RYR3: variants seen among roughly 807,000 people sequenced by gnomAD.
The protein encoded by RYR3 is brain ryanodine receptor-calcium release channel.
A neutral mutation model predicts 584.3 loss-of-function variants in RYR3; 207 were observed. The ratio of observed to expected loss-of-function variants is 0.35; its 90% CI spans 0.32 to 0.40. The LOEUF (loss-of-function observed/expected upper bound fraction) is 0.40, where lower values mean the gene tolerates loss of function less well. Among genes scored for constraint, RYR3 ranks in the 10% least tolerant of loss-of-function variants. RYR3 has a pLI of 1.00. For synonymous variants in RYR3, 2,416 were observed against 2,248.5 expected (o/e 1.07, Z -2.11); for missense variants, 5,616 against 6,089.2 (o/e 0.92, Z 2.59).
intron 53 of RYR3, among the ~76,000 whole-genome samples, chr15:33,747,015 T>C (rs2070793062): frequency 6.6e-6 from 1 of 151,532 alleles, no homozygotes; most frequent in Non-Finnish European, 1.5e-5. Context: ...TTCGCCATGT[T>C]GGCCAGGCTG....
chr15:33,503,851 T>C, intron 3 of RYR3, 113 bp downstream of exon 3: 2 of 657,684 alleles, frequency 3.0e-6, no homozygotes, highest in South Asian at 3.7e-5. Flanking sequence ...TTGAGATGAT[T>C]CATATGGAGA....
intron 1 of RYR3, among the ~76,000 whole-genome samples, chr15:33,315,354 T>A (rs1968014163): frequency 6.6e-6 from 1 of 152,188 alleles, no homozygotes; most frequent in Non-Finnish European, 1.5e-5. Flanking sequence ...TTTGGTAGAT[T>A]TTCTTTAAGG....
Position 33,696,470 on chromosome 15 carries a change from T to G in RYR3, c.6113T>G (p.Leu2038Trp). 6.2e-7 allele frequency: 1 copy of G among 1,613,994 alleles called. No homozygotes were observed. The highest frequency in any genetic ancestry group is 1.7e-5 in the Admixed American group (1 of 60,024). The change falls in exon 39 of 104, where the codon TTG (leucine) becomes TGG (tryptophan). Residue 2038 changes from leucine (L) to tryptophan (W), a missense_variant. This residue lies in a region of RYR3 where 1,280 missense variants were observed against 1,426.2 expected (regional missense o/e 0.90). Coordinates refer to ENST00000634891, the MANE Select transcript of RYR3 (RefSeq NM_001036.6). ...LSVRMGKEEE[L>W]LMINGLGDIM... is the part of the protein sequence containing the mutation. ...GTCAGGATGGGCAAGGAAGAGGAGTTGCTCATGATCAATGGGCTGGGGTAG... is the reference window on the plus strand; with the variant it reads ...GTCAGGATGGGCAAGGAAGAGGAGTGGCTCATGATCAATGGGCTGGGGTAG...
At chr15:33,722,188 C>T (rs529354988) in intron 43 of RYR3, among the ~76,000 whole-genome samples, 1 of 152,222 alleles carries the variant, frequency 6.6e-6, no homozygotes, top group Non-Finnish European at 1.5e-5. Flanking sequence ...CATCTGCCTT[C>T]CTTTCAAGGA....
chr15:33,490,404 T>G (rs2050864721), intron 2 of RYR3, among the ~76,000 whole-genome samples: 1 of 152,196 alleles, frequency 6.6e-6, no homozygotes, highest in Non-Finnish European at 1.5e-5. Context: ...CCTACTTTAA[T>G]ACTTCACTGT....
At chr15:33,740,236 C>T (rs868512033) in intron 51 of RYR3, among the ~76,000 whole-genome samples, 16 of 152,242 alleles carry the variant, frequency 1.1e-4, no homozygotes, top group Middle Eastern at 6.8e-3. Context: ...CAGAGATAGA[C>T]GTTCCCACAC....
chr15:33,673,466 A>C (rs2063969499), intron 38 of RYR3, among the ~76,000 whole-genome samples: 1 of 152,362 alleles, frequency 6.6e-6, no homozygotes, highest in South Asian at 2.1e-4. Flanking sequence ...ATATTATCAA[A>C]GGATCAAATG....
At chr15:33,646,597 C>T in intron 29 of RYR3, 71 bp downstream of exon 29, 2 of 1,394,212 alleles carry the variant, frequency 1.4e-6, no homozygotes, top group Non-Finnish European at 9.8e-7. Flanking sequence ...CTGCTTTTTA[C>T]CCTAACTCAG....
chr15:33,588,343 T>A (rs2058959818), intron 16 of RYR3, among the ~76,000 whole-genome samples: 1 of 152,208 alleles, frequency 6.6e-6, no homozygotes, highest in South Asian at 2.1e-4. Flanking sequence ...TGTGAACATG[T>A]TCTTTAGAAT....
intron 1 of RYR3, among the ~76,000 whole-genome samples, chr15:33,465,425 G>A (rs936628597): frequency 4.6e-5 from 7 of 152,092 alleles, no homozygotes. Flanking sequence ...GGTTTTCAGT[G>A]TACATCTAGC....
At chr15:33,691,103 A>G (rs752712949) in intron 38 of RYR3, among the ~76,000 whole-genome samples, 7 of 152,172 alleles carry the variant, frequency 4.6e-5, no homozygotes, top group Non-Finnish European at 1.0e-4. Context: ...CTGTAAAACT[A>G]TATCTGAACA....
At chr15:33,435,726 G>T (rs891482529) in intron 1 of RYR3, among the ~76,000 whole-genome samples, 1 of 152,124 alleles carries the variant, frequency 6.6e-6, no homozygotes, top group African/African-American at 2.4e-5. Context: ...TAGGTTCCTG[G>T]TCTCACTGAC....
chr15:33,316,931 A>G (rs576541379), intron 1 of RYR3, among the ~76,000 whole-genome samples: 5 of 152,150 alleles, frequency 3.3e-5, no homozygotes, highest in African/African-American at 1.2e-4. Context: ...TCTCTGGGCA[A>G]TTACTTCTCT....
At chr15:33,352,833 G>A (rs1385925306) in intron 1 of RYR3, among the ~76,000 whole-genome samples, 13 of 152,178 alleles carry the variant, frequency 8.5e-5, no homozygotes, top group Admixed American at 8.5e-4. Flanking sequence ...GGTTAAAGCT[G>A]TAACTGGATG....
intron 1 of RYR3, among the ~76,000 whole-genome samples, chr15:33,339,393 T>G (rs1197261436): frequency 6.6e-6 from 1 of 152,198 alleles, no homozygotes; most frequent in Non-Finnish European, 1.5e-5. Flanking sequence ...TACAAGACTT[T>G]AAGTTTAGTC....
chr15:33,601,446 C>G lies in RYR3; in HGVS notation c.1816C>G (p.Leu606Val), dbSNP rs913517466. The change falls in exon 17 of 104, where the codon CTC (leucine) becomes GTC (valine). Residue 606 changes from leucine (L) to valine (V), a missense_variant. By Grantham distance (32) the Leu-to-Val change is conservative (BLOSUM62 1). Coordinates refer to ENST00000634891, the MANE Select transcript of RYR3 (RefSeq NM_001036.6). ...KVLDILCSLC[L>V]CNGVAVRANQ... is the part of the protein sequence containing the mutation. ...TCTGGATATCCTGTGCTCCCTCTGT[C>G]TCTGCAATGGGGTTGCAGTGAGAGC... 6.2e-7 allele frequency: 1 copy of G among 1,613,062 alleles called. No homozygotes were observed. The highest frequency in any genetic ancestry group is 8.5e-7 in the Non-Finnish European group (1 of 1,179,582).
chr15:33,346,278 A>G (rs1972451998), intron 1 of RYR3, among the ~76,000 whole-genome samples: 1 of 152,214 alleles, frequency 6.6e-6, no homozygotes, highest in South Asian at 2.1e-4. Flanking sequence ...AATGTATTGA[A>G]CGAAAATAGA....
In RYR3 at chr15:33,800,833, C is replaced by G. The variant is rs1163742461; in HGVS notation, c.9894C>G (p.Val3298=). ...SDQLFRMVAE[V]FILWCKSHNF... ...AGCTCTTCCGCATGGTGGCAGAAGT[C>G]TTCATTCTGTGGTGTAAATCTCATG... The change falls in exon 68 of 104, where the codon GTC becomes GTG. Residue 3298 remains valine (V), a synonymous_variant. Transcript: ENST00000634891. The G allele has an allele frequency of 2.5e-6, 4 of 1,613,328 alleles. No homozygotes were observed. Among genetic ancestry groups the G allele is most frequent in the Non-Finnish European group, 3.4e-6 (4 of 1,179,298 alleles).
At chr15:33,827,626 A>G (rs12912948) in intron 85 of RYR3, among the ~76,000 whole-genome samples, 37,574 of 152,156 alleles carry the variant, frequency 0.25, 4,887 homozygotes, top group Middle Eastern at 0.41. Context: ...TTTCACTAGA[A>G]AAAAAGACTT....
Sources: allele counts gnomAD v4.1 joint callset (sites outside exome capture counted in the v4.1 genomes callset), GRCh38; gene constraint gnomAD v4.1.1; regional missense constraint gnomAD v4.1.1; transcripts MANE v1.5; gene names NCBI Gene and HGNC (gene_info 2026-07-23, HGNC 2026-07-21).